The following CALU variants were observed in gnomAD, a reference collection of about 807,000 sequenced individuals.
CALU encodes calumenin.
Under a neutral mutation model 37.5 loss-of-function variants are expected in CALU, and 13 were observed. That is an observed-to-expected ratio of 0.35 (90% confidence interval 0.23 to 0.55). CALU has a LOEUF of 0.55. Ranked by LOEUF, CALU falls within the 20% of genes least tolerant of loss-of-function variation. CALU has a pLI of 0.89. For missense variants in CALU, 282 were observed against 391.7 expected (o/e 0.72, Z 2.36); for synonymous variants, 114 against 133.8 (o/e 0.85, Z 1.02).
At chr7:128,746,124 C>T (rs1205597248) in intron 1 of CALU, among the ~76,000 whole-genome samples, 1 of 150,854 alleles carries the variant, frequency 6.6e-6, no homozygotes, top group African/African-American at 2.4e-5. Context: ...GGTGAATTTT[C>T]CATTTCACTG....
chr7:128,767,015 T>C (rs1054231721), intron 5 of CALU, among the ~76,000 whole-genome samples: 1 of 152,208 alleles, frequency 6.6e-6, no homozygotes, highest in Non-Finnish European at 1.5e-5. Flanking sequence ...TCCTTGACAG[T>C]GTTCCTGTTT....
At chr7:128,747,947 A>G (rs1290720465) in intron 1 of CALU, 1 of 171,056 alleles carries the variant, frequency 5.8e-6, no homozygotes, top group East Asian at 1.7e-4. Flanking sequence ...GACCATCTGA[A>G]TGATTTGGCC....
chr7:128,767,826 G>A (rs1377175216), intron 6 of CALU, among the ~76,000 whole-genome samples, 171 bp downstream of exon 6: 2 of 152,198 alleles, frequency 1.3e-5, no homozygotes, highest in African/African-American at 2.4e-5. Flanking sequence ...CTAGCTATCT[G>A]ATCTCATTTT....
chr7:128,758,176 G>A (rs538089008), intron 3 of CALU, among the ~76,000 whole-genome samples: 4 of 151,632 alleles, frequency 2.6e-5, no homozygotes, highest in South Asian at 2.1e-4. Flanking sequence ...AGAATTTTAC[G>A]TAAATGGGGA....
rs574011378 is a variant in CALU, at chr7:128,771,692, C to T, written c.*2525C>T. The stretch of plus-strand genomic sequence containing the variant: ...TAACCCTTTTTTACTTCCATTAGGC[C>T]GTATAACTGGAGAGACCTGCTGCTC... On this transcript the variant is annotated 3_prime_UTR_variant, in exon 7 of 7. Transcript: ENST00000249364. 6.6e-6 allele frequency: 1 copy of T among 152,216 alleles called. No individual in the cohort carries two copies. Among genetic ancestry groups the T allele is most frequent in the East Asian group, 1.9e-4 (1 of 5,188 alleles). 9.4% of individuals were successfully genotyped at this position (152,216 alleles called of 1,614,324 possible). A position where few individuals can be genotyped will look rare whatever the true frequency, so the allele number is the denominator to read the frequency against.
intron 3 of CALU, among the ~76,000 whole-genome samples, chr7:128,757,222 T>C (rs1292303668): frequency 1.3e-5 from 2 of 152,222 alleles, no homozygotes; most frequent in Non-Finnish European, 2.9e-5. Context: ...AAGAATCTAG[T>C]CTTAAAGTAT....
chr7:128,757,624 TC>T (rs1053112085), intron 3 of CALU, among the ~76,000 whole-genome samples: 4 of 152,202 alleles, frequency 2.6e-5, no homozygotes, highest in African/African-American at 9.7e-5. Flanking sequence ...CAGTGTCATA[TC>T]CTTTTTATGT....
Position 128,754,273 on chromosome 7 carries a change from G to A in CALU, c.233G>A (p.Ser78Asn). The change falls in exon 3 of 7, where the codon AGT becomes AAT. Residue 78 changes from serine (S) to asparagine (N), a missense_variant. Physicochemically the swap from Ser to Asn is conservative, Grantham distance 46. Coordinates refer to ENST00000249364, the MANE Select transcript of CALU (RefSeq NM_001219.5). Reference protein sequence around the residue: ...ESKERLGKIVSKIDGDKDGFV... With the variant: ...ESKERLGKIVNKIDGDKDGFV... ...TGCATTTTCTACAGAAAGATTGTAA[G>A]TAAAATAGATGGCGACAAGGACGGG... 1 of 1,608,230 alleles carries A rather than the reference G, an allele frequency of 6.2e-7. No individual in the cohort carries two copies. Among genetic ancestry groups the A allele is most frequent in the Non-Finnish European group, 8.5e-7 (1 of 1,177,936 alleles).
chr7:128,740,769 A>G (rs1461636406), intron 1 of CALU, among the ~76,000 whole-genome samples: 1 of 152,150 alleles, frequency 6.6e-6, no homozygotes, highest in East Asian at 1.9e-4. Context: ...CTTTGAAACC[A>G]ACTCATTGTC....
chr7:128,753,885 G>A (rs1201354183), intron 2 of CALU, among the ~76,000 whole-genome samples: 1 of 152,134 alleles, frequency 6.6e-6, no homozygotes, highest in Non-Finnish European at 1.5e-5. Context: ...ATAAAGTTCA[G>A]CCACATCTTC....
intron 2 of CALU, among the ~76,000 whole-genome samples, chr7:128,750,209 CAG>C (rs1168458259): frequency 8.7e-6 from 1 of 115,536 alleles, no homozygotes; most frequent in Non-Finnish European, 1.7e-5. Flanking sequence ...GCCTGGGCAA[CAG>C]AGCCATCTCA....
In CALU at chr7:128,772,731, G is replaced by T; in HGVS notation, c.*3564G>T. 6.3e-7 allele frequency: 1 copy of T among 1,596,136 alleles called. No homozygotes were observed. Among genetic ancestry groups the T allele is most frequent in the Admixed American group, 1.7e-5 (1 of 59,884 alleles). On this transcript the variant is annotated 3_prime_UTR_variant, in exon 7 of 7. Coordinates refer to ENST00000249364, the MANE Select transcript of CALU (RefSeq NM_001219.5). ...TATGGGAAAAAAGACCTTATTCTCTGTATCACCAAAGCCTTGCACAATGCT... is the reference window on the plus strand; with the variant it reads ...TATGGGAAAAAAGACCTTATTCTCTTTATCACCAAAGCCTTGCACAATGCT...
At chr7:128,754,711 G>C in intron 3 of CALU, 1 of 1,549,540 alleles carries the variant, frequency 6.5e-7, no homozygotes, top group Non-Finnish European at 8.7e-7. Flanking sequence ...GTGACTTATG[G>C]CACTTACCTG....
Position 128,760,679 on chromosome 7 carries a change from C to T in CALU, c.643+827C>T, listed in dbSNP as rs537096478. 5.3e-5 allele frequency among the ~76,000 whole-genome samples: 8 copies of T among 152,134 alleles called. No individual in the cohort carries two copies. The South Asian group carries it at 8.3e-4, about 16-fold the overall frequency. On this transcript the variant is annotated intron_variant, in intron 5 of 6. Coordinates refer to ENST00000249364, the MANE Select transcript of CALU (RefSeq NM_001219.5). ...ATCCCAGCACTTTGGGAGGCCGAGGCGGGCGGATCACAAGGTCAGGAGATC... is the reference window on the plus strand; with the variant it reads ...ATCCCAGCACTTTGGGAGGCCGAGGTGGGCGGATCACAAGGTCAGGAGATC...
intron 1 of CALU, among the ~76,000 whole-genome samples, chr7:128,740,814 C>T (rs1327466933): frequency 6.6e-6 from 1 of 152,138 alleles, no homozygotes; most frequent in Non-Finnish European, 1.5e-5. Context: ...TTTCATTCAT[C>T]CAGTGATGTG....
At chr7:128,744,533 C>T (rs956638630) in intron 1 of CALU, among the ~76,000 whole-genome samples, 4 of 151,948 alleles carry the variant, frequency 2.6e-5, no homozygotes, top group Non-Finnish European at 4.4e-5. Context: ...CTTTAAAGTG[C>T]AGATTTTTCA....
In CALU at chr7:128,767,519, A is replaced by C; in HGVS notation, c.707A>C (p.Gln236Pro). The C allele has an allele frequency of 6.2e-7, 1 of 1,614,156 alleles. No individual in the cohort carries two copies. Among genetic ancestry groups the C allele is most frequent in the Non-Finnish European group, 8.5e-7 (1 of 1,179,968 alleles). ...GAATGGGTAAAGACAGAGCGAGAGC[A>C]GTTTGTTGAGTTTCGGGATAAGAAC... is the stretch of plus-strand genomic sequence containing the variant. Reference protein sequence around the residue: ...EPEWVKTEREQFVEFRDKNRD... With the variant: ...EPEWVKTEREPFVEFRDKNRD... The change falls in exon 6 of 7, where the codon CAG (glutamine) becomes CCG (proline). Residue 236 changes from glutamine to proline, a missense_variant. Transcript: ENST00000249364.
chr7:128,748,652 A>G lies in CALU; in HGVS notation c.69A>G (p.Glu23=), dbSNP rs771881179. ...CCTTTGCCTTGAGCAAACCCACAGA[A>G]AAGAAGGACCGTGTACATCATGAGC... ...CTAFALSKPT[E]KKDRVHHEPQ... Residue 23 remains glutamate, a synonymous_variant, in exon 2 of 7, where the codon GAA becomes GAG. Coordinates refer to ENST00000249364, the MANE Select transcript of CALU (RefSeq NM_001219.5). 2 of 1,614,214 alleles carry G rather than the reference A, an allele frequency of 1.2e-6. No homozygotes were observed. Among genetic ancestry groups the G allele is most frequent in the East Asian group, 4.5e-5 (2 of 44,886 alleles).
intron 1 of CALU, among the ~76,000 whole-genome samples, chr7:128,741,807 G>C (rs1800252793): frequency 6.6e-6 from 1 of 152,112 alleles, no homozygotes; most frequent in Non-Finnish European, 1.5e-5. Flanking sequence ...ATGTATTAAG[G>C]CTTGTCAACG....
Sources: allele counts gnomAD v4.1 joint callset (sites outside exome capture counted in the v4.1 genomes callset), GRCh38; gene constraint gnomAD v4.1.1; transcripts MANE v1.5; gene names NCBI Gene and HGNC (gene_info 2026-07-23, HGNC 2026-07-21).